The following SAE1 variants were observed in gnomAD, a reference collection of about 807,000 sequenced individuals.
The protein encoded by SAE1 is SUMO1 activating enzyme subunit 1, also known as SUMO-activating enzyme subunit 1.
SAE1 carries 11 observed loss-of-function variants against 40.6 expected under a neutral mutation model. The ratio of observed to expected loss-of-function variants is 0.27; its 90% CI spans 0.17 to 0.45. The LOEUF is 0.45. Ranked by LOEUF, SAE1 falls within the 20% of genes least tolerant of loss-of-function variation. The pLI is 1.00. For synonymous variants in SAE1, 155 were observed against 154.3 expected (o/e 1.00, Z -0.03); for missense variants, 373 against 427.3 (o/e 0.87, Z 1.12).
At chr19:47,175,107 A>ATTTTTTTTT (rs916783073) in intron 6 of SAE1, among the ~76,000 whole-genome samples, 9 of 91,702 alleles carry the variant, frequency 9.8e-5, no homozygotes, top group South Asian at 3.8e-4. Context: ...AGTGGCCTTG[A>ATTTTTTTTT]TTTTTTTTTT....
intron 7 of SAE1, among the ~76,000 whole-genome samples, chr19:47,197,603 A>G (rs307899): frequency 0.052 from 7,910 of 152,284 alleles, 628 homozygotes; most frequent in African/African-American, 0.18. Context: ...CACGTGGTTC[A>G]AAATTCAAGG....
intron 5 of SAE1, among the ~76,000 whole-genome samples, chr19:47,156,298 T>G (rs2058324346): frequency 6.6e-6 from 1 of 151,366 alleles, no homozygotes. Flanking sequence ...ACAAAAAATT[T>G]TTTGTATTTT....
rs1171188905 is a variant in SAE1 at position 47,210,108 on chromosome 19, C to T, written c.*857C>T. On this transcript the variant is annotated 3_prime_UTR_variant, in exon 9 of 9. Transcript: ENST00000270225. ...GTTGGTCCTTTGTTTACCTCCTAAA[C>T]CACAGCTGTTTGTGTTTCACATATG... is the stretch of plus-strand genomic sequence containing the variant. The T allele has an allele frequency of 6.6e-6, 1 of 152,148 alleles. No individual in the cohort carries two copies. Among genetic ancestry groups the T allele is most frequent in the African/African-American group, 2.4e-5 (1 of 41,428 alleles). 9.4% of individuals were successfully genotyped at this position (152,148 alleles called of 1,614,324 possible).
intron 6 of SAE1, among the ~76,000 whole-genome samples, chr19:47,184,312 C>T (rs979761399): frequency 7.2e-5 from 11 of 152,110 alleles, no homozygotes; most frequent in African/African-American, 1.7e-4. Context: ...CTTTTAAATC[C>T]GTCGTGACCA....
intron 6 of SAE1, among the ~76,000 whole-genome samples, chr19:47,192,840 T>G (rs2058587926): frequency 6.6e-6 from 1 of 151,810 alleles, no homozygotes; most frequent in African/African-American, 2.4e-5. Context: ...GCACCTGGCC[T>G]CCTTTATTTT....
chr19:47,176,497 T>C (rs552263786), intron 6 of SAE1, among the ~76,000 whole-genome samples: 1 of 152,230 alleles, frequency 6.6e-6, no homozygotes, highest in South Asian at 2.1e-4. Flanking sequence ...TTTGCATGAG[T>C]GGTTTTTGCT....
At chr19:47,190,477 C>G (rs1260707645) in intron 6 of SAE1, among the ~76,000 whole-genome samples, 2 of 152,116 alleles carry the variant, frequency 1.3e-5, no homozygotes, top group South Asian at 2.1e-4. Context: ...CTTCCTGCCC[C>G]CCTCCACTGC....
chr19:47,161,817 G>T (rs1172418891), intron 5 of SAE1, among the ~76,000 whole-genome samples: 1 of 152,130 alleles, frequency 6.6e-6, no homozygotes, highest in African/African-American at 2.4e-5. Context: ...GCAACACATA[G>T]AATTGCTTTG....
intron 6 of SAE1, among the ~76,000 whole-genome samples, chr19:47,173,894 C>T (rs564501899): frequency 9.6e-4 from 146 of 151,868 alleles, no homozygotes; most frequent in African/African-American, 3.3e-3. Flanking sequence ...ACGCCATTCT[C>T]CTGCCTCAGC....
intron 5 of SAE1, among the ~76,000 whole-genome samples, chr19:47,156,276 A>T (rs1480053069): frequency 6.6e-6 from 1 of 151,510 alleles, no homozygotes; most frequent in Non-Finnish European, 1.5e-5. Flanking sequence ...GTCTAAAAAA[A>T]AAAAAAGCAA....
At chr19:47,172,780 G>A (rs200647712) in intron 6 of SAE1, among the ~76,000 whole-genome samples, 2 of 143,984 alleles carry the variant, frequency 1.4e-5, no homozygotes, top group African/African-American at 5.7e-5. Flanking sequence ...AAAAAAAAAA[G>A]AGAAAAGAAA....
Position 47,197,047 on chromosome 19 carries a change from G to T in SAE1, c.734-186G>T, listed in dbSNP as rs111827958. On this transcript the variant is annotated intron_variant, in intron 6 of 8. Coordinates refer to ENST00000270225, the MANE Select transcript of SAE1 (RefSeq NM_005500.3). ...TATACAAAAATTAGCCAGGCATGGT[G>T]GTTCGTGCCTGTAGTCCTAGCTACT... 7.1e-3 allele frequency among the ~76,000 whole-genome samples: 1,076 copies of T among 152,128 alleles called. 11 individuals are homozygous for T. The highest frequency in any genetic ancestry group is 0.025 in the African/African-American group (1,040 of 41,510).
intron 1 of SAE1, chr19:47,142,399 A>ACT (rs2058227755): frequency 6.6e-6 from 1 of 152,298 alleles, no homozygotes; most frequent in Non-Finnish European, 1.5e-5. Context: ...AAAAAAAAAA[A>ACT]AAGGTAAAAG....
chr19:47,184,074 T>G (rs307895), intron 6 of SAE1, among the ~76,000 whole-genome samples: 11,812 of 152,172 alleles, frequency 0.078, 1,116 homozygotes, highest in African/African-American at 0.22. Context: ...ATGTTTCACC[T>G]TAAAGGTGAG....
chr19:47,156,429 A>G (rs1291895622), intron 5 of SAE1, among the ~76,000 whole-genome samples: 1 of 151,578 alleles, frequency 6.6e-6, no homozygotes, highest in Non-Finnish European at 1.5e-5. Context: ...CAGTGAGCCG[A>G]GACGGCAACA....
At chr19:47,196,855 T>C (rs971782142) in intron 6 of SAE1, among the ~76,000 whole-genome samples, 1 of 151,970 alleles carries the variant, frequency 6.6e-6, no homozygotes, top group Non-Finnish European at 1.5e-5. Flanking sequence ...TTTATAATTA[T>C]TGGATTGCCT....
chr19:47,165,416 G>A (rs1327016365), intron 5 of SAE1, among the ~76,000 whole-genome samples: 1 of 152,098 alleles, frequency 6.6e-6, no homozygotes, highest in Non-Finnish European at 1.5e-5. Context: ...CTAGATTGTT[G>A]ATTGAAGTCC....
At position 47,164,639 on chromosome 19, in the gene SAE1, C is replaced by CTTTT. The variant is rs1166301382; in HGVS notation, c.628-5155_628-5152dup. 2.8e-4 allele frequency among the ~76,000 whole-genome samples: 22 copies of CTTTT among 78,398 alleles called. 1 individual carries two copies. Among genetic ancestry groups the CTTTT allele is most frequent in the Admixed American group, 4.5e-4 (3 of 6,666 alleles). The allele number at this position is 78,398 out of a possible 152,430, so 51.4% of individuals were successfully genotyped here. A position where few individuals can be genotyped will look rare whatever the true frequency, so the allele number is the denominator to read the frequency against. ...TTGATGGGCTATGTGGAGAATTCAC[C>CTTTT]TTTTTTTTTTTTTTTTTTTTTTTTT... On this transcript the variant is annotated intron_variant, in intron 5 of 8. Transcript: ENST00000270225.
chr19:47,163,901 C>G (rs1431830145), intron 5 of SAE1, among the ~76,000 whole-genome samples: 3 of 151,678 alleles, frequency 2.0e-5, no homozygotes, highest in Non-Finnish European at 2.9e-5. Flanking sequence ...TCCCGAGTAG[C>G]TGGGATTACA....
Sources: gnomAD v4.1 joint callset for allele counts (sites outside exome capture counted in the v4.1 genomes callset) on GRCh38, gnomAD v4.1.1 for gene constraint, MANE v1.5 for transcripts, NCBI Gene and HGNC (gene_info 2026-07-23, HGNC 2026-07-21) for gene names.